USP6NL: variants seen among roughly 807,000 people sequenced by gnomAD.
USP6NL encodes USP6 N-terminal like, also known as USP6 N-terminal-like protein.
Under a neutral mutation model 61.9 loss-of-function variants are expected in USP6NL, and 26 were observed. That is an observed-to-expected ratio of 0.42 (90% confidence interval 0.31 to 0.58). USP6NL has a LOEUF of 0.58. Among genes scored for constraint, USP6NL ranks in the 20% least tolerant of loss-of-function variants. USP6NL has a pLI of 0.16. For synonymous variants in USP6NL, 432 were observed against 390.1 expected (o/e 1.11, Z -1.27); for missense variants, 1,114 against 1,034.3 (o/e 1.08, Z -1.06).
intron 2 of USP6NL, among the ~76,000 whole-genome samples, chr10:11,582,974 G>A (rs1036716452): frequency 6.8e-6 from 1 of 147,384 alleles, no homozygotes; most frequent in Non-Finnish European, 1.5e-5. Flanking sequence ...TGTTTTACAG[G>A]GGTAATCAAC....
At chr10:11,509,562 A>C in intron 6 of USP6NL, 33 bp downstream of exon 6, 1 of 1,468,848 alleles carries the variant, frequency 6.8e-7, no homozygotes, top group Non-Finnish European at 9.2e-7. Flanking sequence ...GAGTTTATAT[A>C]GTTTCATATG....
At chr10:11,572,042 TATATGAG>T (rs1205140325) in intron 2 of USP6NL, among the ~76,000 whole-genome samples, 1 of 151,730 alleles carries the variant, frequency 6.6e-6, no homozygotes, top group South Asian at 2.1e-4. Flanking sequence ...TTTCCTGTAA[TATATGAG>T]ATATATCTAT....
At chr10:11,568,738 C>T (rs1006541618) in intron 2 of USP6NL, among the ~76,000 whole-genome samples, 2 of 152,136 alleles carry the variant, frequency 1.3e-5, no homozygotes, top group African/African-American at 4.8e-5. Context: ...TTCTTCTCCC[C>T]CATATTGCTT....
At position 11,562,099 on chromosome 10, in the gene USP6NL, T is replaced by A. The variant is rs1483978213; in HGVS notation, c.5-34532A>T. Among the ~76,000 whole-genome samples, 1 of 152,034 alleles carries A rather than the reference T, an allele frequency of 6.6e-6. No homozygotes were observed. Among genetic ancestry groups the A allele is most frequent in the Admixed American group, 6.5e-5 (1 of 15,270 alleles). On this transcript the variant is annotated intron_variant, in intron 2 of 14. Transcript: ENST00000609104. The surrounding 1 kb of genome is among the most constrained non-coding windows in gnomAD (Gnocchi z 4.8). ...TTTAAGACCAGCCTGGCCAACATAG[T>A]GAAACTCCGTCTCTACTAAAAATAC...
intron 7 of USP6NL, among the ~76,000 whole-genome samples, chr10:11,498,235 CAAAAAAAAAAAA>C (rs11341542): frequency 6.2e-4 from 24 of 38,800 alleles, no homozygotes; most frequent in South Asian, 1.1e-3. Flanking sequence ...CACTCTGTCT[CAAAAAAAAAAAA>C]AAAAAAAAAA....
Position 11,503,397 on chromosome 10 carries a change from T to C in USP6NL, c.277-2189A>G, listed in dbSNP as rs71491578. ...TACATAAGTTACTGTACATCATTTA[T>C]CTTAAAGTTAAATCTACATTTAGGG... is the stretch of plus-strand genomic sequence containing the variant. On this transcript the variant is annotated intron_variant, in intron 6 of 14. Transcript: ENST00000609104. Among the ~76,000 whole-genome samples the C allele has an allele frequency of 7.4e-3, 1,125 of 152,340 alleles. 3 individuals carry two copies. The highest frequency in any genetic ancestry group is 0.012 in the South Asian group (57 of 4,828).
At chr10:11,484,076 T>C (rs966334168) in intron 13 of USP6NL, among the ~76,000 whole-genome samples, 1 of 152,194 alleles carries the variant, frequency 6.6e-6, no homozygotes, top group African/African-American at 2.4e-5. Context: ...TGCACTCAAT[T>C]AGTTTATAAT....
chr10:11,560,523 A>T (rs1836883542), intron 2 of USP6NL, among the ~76,000 whole-genome samples: 1 of 151,498 alleles, frequency 6.6e-6, no homozygotes, highest in South Asian at 2.1e-4. Context: ...AAAACATGCT[A>T]CCCCCCTCCT....
rs556103557 is a variant in USP6NL at position 11,591,797 on chromosome 10, C to G, written c.4+5834G>C. ...TATAAGAAAAGAATGTAAACCACCT[C>G]CCAAAAAATTTTTAACTTAAATATA... On this transcript the variant is annotated intron_variant, in intron 2 of 14. Transcript: ENST00000609104. The surrounding 1 kb of genome is among the most constrained non-coding windows in gnomAD (Gnocchi z 4.7). 6.6e-6 allele frequency among the ~76,000 whole-genome samples: 1 copy of G among 152,196 alleles called. No homozygotes were observed. Among genetic ancestry groups the G allele is most frequent in the African/African-American group, 2.4e-5 (1 of 41,554 alleles).
chr10:11,565,684 A>G (rs1837119548), intron 2 of USP6NL: 1 of 152,210 alleles, frequency 6.6e-6, no homozygotes, highest in African/African-American at 2.4e-5. Context: ...AGCATCTGCA[A>G]TGGTGATGTG....
In USP6NL at chr10:11,488,951, A is replaced by C. The variant is rs981840029; in HGVS notation, c.664+151T>G. On this transcript the variant is annotated intron_variant, in intron 10 of 14. Coordinates refer to ENST00000609104, the MANE Select transcript of USP6NL (RefSeq NM_014688.5). ...TAGAAAAGTTCAATAATGAAAAATG[A>C]AAGAAGAAACTAGTAACAAATACTA... The C allele has an allele frequency of 6.5e-4, 664 of 1,019,216 alleles. 1 individual carries two copies. Among genetic ancestry groups the C allele is most frequent in the Non-Finnish European group, 3.0e-4 (223 of 739,498 alleles). 63.1% of individuals were successfully genotyped at this position (1,019,216 alleles called of 1,614,324 possible).
intron 14 of USP6NL, among the ~76,000 whole-genome samples, chr10:11,472,385 G>A (rs1257256471): frequency 1.3e-5 from 2 of 152,184 alleles, no homozygotes; most frequent in Admixed American, 6.5e-5. Flanking sequence ...CGGCCTCTGA[G>A]GCCTTAGCAG....
At chr10:11,534,475 A>G (rs1566164494) in intron 2 of USP6NL, among the ~76,000 whole-genome samples, 1 of 152,238 alleles carries the variant, frequency 6.6e-6, no homozygotes. Context: ...ACCTGTCTAC[A>G]TTAGAATAGG....
chr10:11,595,830 T>C lies in USP6NL; in HGVS notation c.4+1801A>G, dbSNP rs536151873. 2.0e-5 allele frequency among the ~76,000 whole-genome samples: 3 copies of C among 152,114 alleles called. No homozygotes were observed. Among genetic ancestry groups the C allele is most frequent in the Non-Finnish European group, 4.4e-5 (3 of 67,972 alleles). The stretch of plus-strand genomic sequence containing the variant: ...AGCATGTAAAAGATCCACAAAGAGA[T>C]AAAATAACAGAACCAATTGTTTTAA... On this transcript the variant is annotated intron_variant, in intron 2 of 14. Coordinates refer to ENST00000609104, the MANE Select transcript of USP6NL (RefSeq NM_014688.5). The surrounding 1 kb of genome is among the most constrained non-coding windows in gnomAD (Gnocchi z 5.3).
intron 1 of USP6NL, among the ~76,000 whole-genome samples, chr10:11,608,318 G>T (rs1029761763): frequency 6.6e-6 from 1 of 152,214 alleles, no homozygotes; most frequent in South Asian, 2.1e-4. Flanking sequence ...CGAGTAGAAT[G>T]ACTTCCCTTC....
rs77532564 is a variant in USP6NL, at chr10:11,490,353, C to T, written c.543+479G>A. On this transcript the variant is annotated intron_variant, in intron 9 of 14. Coordinates refer to ENST00000609104, the MANE Select transcript of USP6NL (RefSeq NM_014688.5). The surrounding 1 kb of genome is among the most constrained non-coding windows in gnomAD (Gnocchi z 4.5). ...GCCTTAAGAAGAGCATGTCTATTAC[C>T]GAAGAGTTTAGCCTCCTCCTGGGGA... Among the ~76,000 whole-genome samples, 5 of 152,084 alleles carry T rather than the reference C, an allele frequency of 3.3e-5. No homozygotes were observed. The highest frequency in any genetic ancestry group is 7.4e-5 in the Non-Finnish European group (5 of 68,024).
chr10:11,607,033 AC>A lies in USP6NL; in HGVS notation c.-84+4409del, dbSNP rs1356073959. Among the ~76,000 whole-genome samples, 4 of 152,092 alleles carry A rather than the reference AC, an allele frequency of 2.6e-5. No homozygotes were observed. In the East Asian group the frequency reaches 5.8e-4, roughly 22 times the overall value. ...TCAAACTCCTGGCCTCATGTGATCCACCCACCTGGCCCTCCAAAGTGCTGGG... is the reference window on the plus strand; with the variant it reads ...TCAAACTCCTGGCCTCATGTGATCCACCACCTGGCCCTCCAAAGTGCTGGG... On this transcript the variant is annotated intron_variant, in intron 1 of 14. Transcript: ENST00000609104.
At chr10:11,547,391 G>A (rs571686346) in intron 2 of USP6NL, among the ~76,000 whole-genome samples, 12 of 152,284 alleles carry the variant, frequency 7.9e-5, no homozygotes, top group East Asian at 1.9e-4. Context: ...CACAGCAGGC[G>A]GCAGAGCGGG....
At chr10:11,480,275 T>A (rs1019975800) in intron 14 of USP6NL, among the ~76,000 whole-genome samples, 3 of 152,168 alleles carry the variant, frequency 2.0e-5, no homozygotes, top group Non-Finnish European at 4.4e-5. Flanking sequence ...AAACACCCAA[T>A]AAATATTAGC....
Sources: allele counts gnomAD v4.1 joint callset (sites outside exome capture counted in the v4.1 genomes callset), GRCh38; gene constraint gnomAD v4.1.1; non-coding constraint Gnocchi (gnomAD v3.1); transcripts MANE v1.5; gene names NCBI Gene and HGNC (gene_info 2026-07-23, HGNC 2026-07-21).